DNAAF4: variants seen among roughly 807,000 people sequenced by gnomAD.
DNAAF4 encodes the protein dynein assembly factor 4, axonemal.
In DNAAF4, 43 loss-of-function variants were observed where a neutral mutation model predicts 51.8. That is an observed-to-expected ratio of 0.83 (90% CI 0.65 to 1.07). DNAAF4 has a LOEUF of 1.07. DNAAF4 is among the 50% of genes least tolerant of loss of function. DNAAF4 has a pLI of 0.00. For missense variants in DNAAF4, 581 were observed against 493.0 expected (o/e 1.18, Z -1.69); for synonymous variants, 194 against 165.6 (o/e 1.17, Z -1.32).
intron 8 of DNAAF4, among the ~76,000 whole-genome samples, chr15:55,433,462 T>C (rs1445994543): frequency 6.6e-6 from 1 of 151,304 alleles, no homozygotes; most frequent in Non-Finnish European, 1.5e-5. Context: ...CCGTCTCTAC[T>C]AAAAATACAA....
rs1227977474 is a variant in DNAAF4 at position 55,450,113 on chromosome 15, T to A, written c.783+109A>T. 3.4e-6 allele frequency: 4 copies of A among 1,170,614 alleles called. No homozygotes were observed. In the Admixed American group the frequency reaches 1.2e-4, roughly 35 times the overall value. The allele number at this position is 1,170,614 out of a possible 1,614,324, so 72.5% of individuals were successfully genotyped here. A position where few individuals can be genotyped will look rare whatever the true frequency, so the allele number is the denominator to read the frequency against. On this transcript the variant is annotated intron_variant, in intron 6 of 9. Transcript: ENST00000321149. ...AAACATATTCATGACGTTATTTCTT[T>A]AGTGTAATAAATACTTAAGAAATTC...
chr15:55,487,949 A>G (rs553017407), intron 4 of DNAAF4, among the ~76,000 whole-genome samples: 2 of 152,118 alleles, frequency 1.3e-5, no homozygotes, highest in African/African-American at 2.4e-5. Flanking sequence ...CTAATGGTAC[A>G]TTAGCAAATA....
chr15:55,433,901 A>AT (rs1567000390), intron 8 of DNAAF4, among the ~76,000 whole-genome samples: 280 of 19,198 alleles, frequency 0.015, 9 homozygotes, highest in African/African-American at 0.058. Flanking sequence ...TATATTATAT[A>AT]TATTATATAT....
chr15:55,469,680 C>T lies in DNAAF4; in HGVS notation c.406-2519G>A, dbSNP rs147113649. Among the ~76,000 whole-genome samples the T allele has an allele frequency of 1.1e-3, 161 of 151,420 alleles. 2 individuals carry two copies. The East Asian group carries it at 0.02, about 18-fold the overall frequency. ...TTTTTTTTTATATTTTTAGTAGAGA[C>T]GGGGTTTCACTGTGTTAGCCAGGAT... On this transcript the variant is annotated intron_variant, in intron 4 of 9. Coordinates refer to ENST00000321149, the MANE Select transcript of DNAAF4 (RefSeq NM_130810.4).
chr15:55,496,065 C>T (rs144685980), intron 3 of DNAAF4, among the ~76,000 whole-genome samples: 6 of 152,086 alleles, frequency 3.9e-5, no homozygotes, highest in African/African-American at 1.4e-4. Flanking sequence ...CTTGTCTCTA[C>T]TAAAAAATAC....
chr15:55,442,204 C>T (rs202160901), intron 6 of DNAAF4, among the ~76,000 whole-genome samples: 5 of 152,230 alleles, frequency 3.3e-5, no homozygotes, highest in Admixed American at 1.3e-4. Flanking sequence ...CTGCAACCTC[C>T]GCTTCCCGGG....
chr15:55,461,262 G>A (rs1039938236), intron 5 of DNAAF4, among the ~76,000 whole-genome samples: 4 of 151,632 alleles, frequency 2.6e-5, no homozygotes, highest in Admixed American at 2.0e-4. Context: ...TAGAGATGGG[G>A]TTTCACCGTG....
chr15:55,460,270 T>C (rs1381852841), intron 5 of DNAAF4, among the ~76,000 whole-genome samples: 3 of 149,350 alleles, frequency 2.0e-5, no homozygotes, highest in African/African-American at 7.3e-5. Flanking sequence ...AACCTCCACC[T>C]CCAGATTCAT....
At chr15:55,497,924 C>G in intron 2 of DNAAF4, 65 bp from the exon 3 acceptor site, 2 of 1,543,096 alleles carry the variant, frequency 1.3e-6, no homozygotes, top group Non-Finnish European at 1.7e-6. Context: ...TATTAAGAAA[C>G]ACGTGAAAAA....
At chr15:55,469,669 T>G (rs2141516279) in intron 4 of DNAAF4, among the ~76,000 whole-genome samples, 1 of 151,692 alleles carries the variant, frequency 6.6e-6, no homozygotes, top group African/African-American at 2.4e-5. Context: ...TTTTTATATT[T>G]TTAGTAGAGA....
At chr15:55,476,628 A>C (rs2058338577) in intron 4 of DNAAF4, among the ~76,000 whole-genome samples, 1 of 152,204 alleles carries the variant, frequency 6.6e-6, no homozygotes, top group African/African-American at 2.4e-5. Flanking sequence ...CTTAAAAAGA[A>C]AGGAAATTCT....
intron 9 of DNAAF4, among the ~76,000 whole-genome samples, chr15:55,431,154 C>G (rs1268224690): frequency 6.6e-6 from 1 of 152,066 alleles, no homozygotes; most frequent in Non-Finnish European, 1.5e-5. Context: ...ACCTCATGAT[C>G]CACCCACCTT....
In DNAAF4 at chr15:55,418,877, G is replaced by GA. The variant is rs977522210; in HGVS notation, c.1048-745dup. ...GACAAAGGAACACAGGAGCTGTAAG[G>GA]AAAAAAAAATTGATTTAAGGAAGCT... On this transcript the variant is annotated intron_variant, in intron 7 of 7. Coordinates refer to the DNAAF4 transcript ENST00000448430. 215 of 167,444 alleles carry GA rather than the reference G, an allele frequency of 1.3e-3. 1 individual carries two copies. The highest frequency in any genetic ancestry group is 4.2e-3 in the African/African-American group (173 of 40,740). 10.4% of individuals were successfully genotyped at this position (167,444 alleles called of 1,614,324 possible). A position where few individuals can be genotyped will look rare whatever the true frequency, so the allele number is the denominator to read the frequency against.
At chr15:55,479,653 G>C (rs937118672) in intron 4 of DNAAF4, among the ~76,000 whole-genome samples, 18 of 152,108 alleles carry the variant, frequency 1.2e-4, no homozygotes, top group Admixed American at 3.9e-4. Context: ...GCAAGTAGGA[G>C]ACATATCGCT....
intron 6 of DNAAF4, among the ~76,000 whole-genome samples, chr15:55,444,126 T>C (rs2057759397): frequency 6.6e-6 from 1 of 152,226 alleles, no homozygotes; most frequent in Non-Finnish European, 1.5e-5. Context: ...CCCATGCCTA[T>C]GTCCTGAATG....
chr15:55,451,972 C>T (rs184959672), intron 5 of DNAAF4, among the ~76,000 whole-genome samples: 79 of 151,966 alleles, frequency 5.2e-4, no homozygotes, highest in African/African-American at 2.2e-4. Flanking sequence ...TAGGTCTGGG[C>T]GCAGCGGCTC....
At chr15:55,484,712 C>G (rs2058463153) in intron 4 of DNAAF4, among the ~76,000 whole-genome samples, 1 of 152,076 alleles carries the variant, frequency 6.6e-6, no homozygotes, top group South Asian at 2.1e-4. Context: ...TCACAATAGG[C>G]CTGCTGCAAG....
At chr15:55,423,527 G>A (rs1426084639) in intron 7 of DNAAF4, among the ~76,000 whole-genome samples, 2 of 152,150 alleles carry the variant, frequency 1.3e-5, no homozygotes, top group African/African-American at 2.4e-5. Flanking sequence ...TTATGGGTGT[G>A]AGCCACCATG....
Position 55,491,359 on chromosome 15 carries a change from C to G in DNAAF4, c.272-103G>C, listed in dbSNP as rs1204552148. 8 of 1,181,820 alleles carry G rather than the reference C, an allele frequency of 6.8e-6. No homozygotes were observed. In the African/African-American group the frequency reaches 1.2e-4, roughly 18 times the overall value. The allele number at this position is 1,181,820 out of a possible 1,614,324, so 73.2% of individuals were successfully genotyped here. On this transcript the variant is annotated intron_variant, in intron 3 of 9. Coordinates refer to ENST00000321149, the MANE Select transcript of DNAAF4 (RefSeq NM_130810.4). ...GACCCAGGATGAGATTTCTTTGTAC[C>G]CAACTTCACAAGGAACATGGAAAAT...
Sources: allele counts gnomAD v4.1 joint callset (sites outside exome capture counted in the v4.1 genomes callset), GRCh38; gene constraint gnomAD v4.1.1; transcripts MANE v1.5; gene names NCBI Gene and HGNC (gene_info 2026-07-23, HGNC 2026-07-21).